Variants in GPR158 observed in about 807,000 individuals in gnomAD.
GPR158 encodes G protein-coupled receptor 158.
Under a neutral mutation model 78.2 loss-of-function variants are expected in GPR158, and 30 were observed. The ratio of observed to expected loss-of-function variants is 0.38; its 90% confidence interval spans 0.29 to 0.52. GPR158 has a LOEUF of 0.52. GPR158 is among the 20% of genes least tolerant of loss of function. The pLI is 0.83. For missense variants in GPR158, 1,463 were observed against 1,523.5 expected (o/e 0.96, Z 0.66); for synonymous variants, 581 against 591.1 (o/e 0.98, Z 0.25).
chr10:25,558,679 C>A (rs1416188000), intron 6 of GPR158, among the ~76,000 whole-genome samples: 1 of 152,136 alleles, frequency 6.6e-6, no homozygotes, highest in Non-Finnish European at 1.5e-5. Context: ...ATGCTCAGTC[C>A]AAAACAACTG....
intron 5 of GPR158, among the ~76,000 whole-genome samples, chr10:25,548,974 G>A (rs1251413310): frequency 1.3e-5 from 2 of 152,084 alleles, no homozygotes; most frequent in African/African-American, 2.4e-5. Context: ...GTATTTTTAA[G>A]TAAAAATTAT....
chr10:25,441,439 A>G (rs937298834), intron 4 of GPR158, among the ~76,000 whole-genome samples: 1 of 152,080 alleles, frequency 6.6e-6, no homozygotes, highest in Non-Finnish European at 1.5e-5. Flanking sequence ...TGGCTGTCCT[A>G]TTTAGTCACT....
chr10:25,367,614 T>A (rs1235015668), intron 2 of GPR158, among the ~76,000 whole-genome samples: 1 of 151,644 alleles, frequency 6.6e-6, no homozygotes, highest in Non-Finnish European at 1.5e-5. Flanking sequence ...AGAATATCCT[T>A]CCATTCATAT....
chr10:25,241,160 TC>T (rs1853603936), intron 2 of GPR158, among the ~76,000 whole-genome samples: 1 of 124,204 alleles, frequency 8.1e-6, no homozygotes, highest in South Asian at 2.7e-4. Flanking sequence ...TTTCTTTCTT[TC>T]TTTCTTTCTT....
chr10:25,370,341 G>T (rs925740849), intron 2 of GPR158, among the ~76,000 whole-genome samples: 4 of 144,366 alleles, frequency 2.8e-5, no homozygotes, highest in African/African-American at 1.0e-4. Context: ...TGCTTTGAAT[G>T]CGTCCCAGAG....
intron 5 of GPR158, among the ~76,000 whole-genome samples, chr10:25,480,370 T>TA (rs1263089279): frequency 6.6e-6 from 1 of 152,236 alleles, no homozygotes; most frequent in Admixed American, 6.5e-5. Context: ...GTAACTATTT[T>TA]AAATGCAAAA....
At chr10:25,379,389 T>C (rs548068201) in intron 2 of GPR158, among the ~76,000 whole-genome samples, 1 of 152,242 alleles carries the variant, frequency 6.6e-6, no homozygotes, top group Admixed American at 6.5e-5. Context: ...AACCAAAGCT[T>C]GAGCTGTCCC....
intron 1 of GPR158, among the ~76,000 whole-genome samples, chr10:25,187,642 A>G (rs924997983): frequency 7.9e-5 from 12 of 152,172 alleles, no homozygotes; most frequent in Non-Finnish European, 1.8e-4. Context: ...TCAAAATAAT[A>G]AGAGCTATTT....
At chr10:25,212,820 C>CG (rs1351387162) in intron 1 of GPR158, among the ~76,000 whole-genome samples, 1 of 151,756 alleles carries the variant, frequency 6.6e-6, no homozygotes, top group Non-Finnish European at 1.5e-5. Flanking sequence ...TTATTAAAGA[C>CG]GGGGTTTCAC....
Position 25,291,354 on chromosome 10 carries a change from A to G in GPR158, c.1008+70197A>G, listed in dbSNP as rs146583351. On this transcript the variant is annotated intron_variant, in intron 2 of 10. Coordinates refer to ENST00000376351, the MANE Select transcript of GPR158 (RefSeq NM_020752.3). ...AAGAGGGAAATGGGATCAATTTCTG[A>G]TTTATCGTGTCTAGTAGATTAAAAC... Among the ~76,000 whole-genome samples the G allele has an allele frequency of 6.2e-3, 936 of 152,162 alleles. 10 individuals are homozygous for G. Among genetic ancestry groups the G allele is most frequent in the African/African-American group, 0.022 (904 of 41,558 alleles).
chr10:25,241,262 T>TCTTTCCTTTCTTTC lies in GPR158; in HGVS notation c.1008+20110_1008+20111insCTTTCTTTCCTTTC, dbSNP rs1479682126. Among the ~76,000 whole-genome samples the TCTTTCCTTTCTTTC allele has an allele frequency of 6.1e-4, 72 of 117,760 alleles. 1 individual carries two copies. The highest frequency in any genetic ancestry group is 2.1e-3 in the African/African-American group (53 of 24,946). 77.3% of individuals were successfully genotyped at this position (117,760 alleles called of 152,430 possible). A position where few individuals can be genotyped will look rare whatever the true frequency, so the allele number is the denominator to read the frequency against. ...TTTCCTTTCTTTCCTTTCTTTCCTTTCTTTCTTTCCTTTCTTTCTTTCTTT... is the reference window on the plus strand; with the variant it reads ...TTTCCTTTCTTTCCTTTCTTTCCTTTCTTTCCTTTCTTTCCTTTCTTTCCTTTCTTTCTTTCTTT... On this transcript the variant is annotated intron_variant, in intron 2 of 10. Transcript: ENST00000376351.
At chr10:25,215,560 C>T (rs1386173509) in intron 1 of GPR158, among the ~76,000 whole-genome samples, 1 of 152,138 alleles carries the variant, frequency 6.6e-6, no homozygotes, top group African/African-American at 2.4e-5. Flanking sequence ...CATGGCTGGG[C>T]ACAGTGGCTC....
chr10:25,251,431 T>G (rs1853797562), intron 2 of GPR158, among the ~76,000 whole-genome samples: 1 of 152,092 alleles, frequency 6.6e-6, no homozygotes, highest in South Asian at 2.1e-4. Flanking sequence ...CATTTTGGCA[T>G]GAATTTGCAG....
At chr10:25,266,802 G>T (rs1211082712) in intron 2 of GPR158, among the ~76,000 whole-genome samples, 1 of 152,094 alleles carries the variant, frequency 6.6e-6, no homozygotes, top group Non-Finnish European at 1.5e-5. Flanking sequence ...TTTATGATGA[G>T]TGTTAGAATG....
At chr10:25,428,633 A>C (rs1175888427) in intron 4 of GPR158, among the ~76,000 whole-genome samples, 1 of 152,094 alleles carries the variant, frequency 6.6e-6, no homozygotes. Context: ...TTAATATCCT[A>C]TGTGTATTTG....
In GPR158 at chr10:25,176,955, T is replaced by C. The variant is rs1852545658; in HGVS notation, c.902+633T>C. Among the ~76,000 whole-genome samples, 1 of 152,168 alleles carries C rather than the reference T, an allele frequency of 6.6e-6. No homozygotes were observed. Among genetic ancestry groups the C allele is most frequent in the Admixed American group, 6.5e-5 (1 of 15,278 alleles). ...AGACTTTGCAGCTTGGTCAGGGTGC[T>C]CCTTCTACCGGTCTCCCCTCTCCCC... On this transcript the variant is annotated intron_variant, in intron 1 of 10. Coordinates refer to ENST00000376351, the MANE Select transcript of GPR158 (RefSeq NM_020752.3). This position sits in a 1 kb window ranked among gnomAD's most constrained non-coding sequence, Gnocchi z 6.3.
Position 25,598,242 on chromosome 10 carries a change from G to A in GPR158, c.2616G>A (p.Ser872=), listed in dbSNP as rs138351980. 53 of 1,613,922 alleles carry A rather than the reference G, an allele frequency of 3.3e-5. No homozygotes were observed. The African/African-American group carries it at 3.3e-4, about 10-fold the overall frequency. ...KEDSEAESTE[S]VPLVCKSASA... is the part of the protein sequence containing the mutation. The stretch of plus-strand genomic sequence containing the variant: ...ACAGCGAGGCTGAGTCCACGGAGTC[G>A]GTGCCGTTGGTGTGCAAGTCAGCAA... Residue 872 remains serine (S), a synonymous_variant, in exon 11 of 11, where the codon TCG becomes TCA. Transcript: ENST00000376351.
At chr10:25,406,140 A>G (rs944880803) in intron 3 of GPR158, among the ~76,000 whole-genome samples, 2 of 152,176 alleles carry the variant, frequency 1.3e-5, no homozygotes, top group African/African-American at 4.8e-5. Flanking sequence ...AAGTGCCCAC[A>G]GAATTTATTT....
intron 1 of GPR158, among the ~76,000 whole-genome samples, chr10:25,199,556 G>A (rs1325112682): frequency 6.6e-6 from 1 of 152,048 alleles, no homozygotes; most frequent in African/African-American, 2.4e-5. Flanking sequence ...GTAATCTCCA[G>A]CGTCCAGGGA....
Sources: allele counts gnomAD v4.1 joint callset (sites outside exome capture counted in the v4.1 genomes callset), GRCh38; gene constraint gnomAD v4.1.1; non-coding constraint Gnocchi (gnomAD v3.1); transcripts MANE v1.5; gene names NCBI Gene and HGNC (gene_info 2026-07-23, HGNC 2026-07-21).